Variants in ST7 observed in about 807,000 individuals in gnomAD.
ST7 encodes suppression of tumorigenicity 7.
ST7 carries 28 observed loss-of-function variants against 78.7 expected under a neutral mutation model. The ratio of observed to expected loss-of-function variants is 0.36; its 90% CI spans 0.26 to 0.49. The LOEUF (loss-of-function observed/expected upper bound fraction) is 0.49. Among genes scored for constraint, ST7 ranks in the 20% least tolerant of loss-of-function variants. ST7 has a pLI of 0.99. For missense variants in ST7, 418 were observed against 696.0 expected (o/e 0.60, Z 4.49); for synonymous variants, 247 against 249.6 (o/e 0.99, Z 0.10).
chr7:117,090,755 G>C (rs1047160736), intron 1 of ST7: 2 of 167,070 alleles, frequency 1.2e-5, no homozygotes, highest in African/African-American at 4.8e-5. Flanking sequence ...CCAGGGTGGA[G>C]ATCTTCATTA....
intron 1 of ST7, among the ~76,000 whole-genome samples, chr7:116,985,808 TA>T (rs989800546): frequency 6.6e-6 from 1 of 152,222 alleles, no homozygotes; most frequent in African/African-American, 2.4e-5. Context: ...AGTTTGGAAA[TA>T]AATACTTTGG....
chr7:117,220,185 C>A (rs1210879166), intron 14 of ST7, among the ~76,000 whole-genome samples: 1 of 152,208 alleles, frequency 6.6e-6, no homozygotes, highest in African/African-American at 2.4e-5. Context: ...AGTCATGAAT[C>A]TCCAGCATGG....
chr7:117,051,408 G>A (rs1186165851), intron 1 of ST7, among the ~76,000 whole-genome samples: 1 of 152,220 alleles, frequency 6.6e-6, no homozygotes, highest in Non-Finnish European at 1.5e-5. Flanking sequence ...GCATTACAGA[G>A]AGGGGCTCAG....
At chr7:117,126,709 G>A (rs114872622) in intron 3 of ST7, among the ~76,000 whole-genome samples, 117 of 151,938 alleles carry the variant, frequency 7.7e-4, no homozygotes, top group African/African-American at 2.5e-3. Context: ...GAAGGTTTTA[G>A]TAGGGAATAG....
At position 116,953,643 on chromosome 7, in the gene ST7, G is replaced by T; in HGVS notation, c.103G>T (p.Val35Phe). Residue 35 changes from valine (V) to phenylalanine (F), a missense_variant, in exon 1 of 16, where the codon GTC (valine) becomes TTC (phenylalanine). Around this residue, in one of 4 missense-constraint regions of ST7, gnomAD observed 71 missense variants for 61.5 expected, o/e 1.16. Coordinates refer to ENST00000323984, the MANE Select transcript of ST7 (RefSeq NM_001369598.1). ...GTGGTTCTTCATCGTGCTATTCCTG[G>T]TCTACATCCTGCGGGTGCCTTTGAA... is the stretch of plus-strand genomic sequence containing the variant. Reference protein sequence around the residue: ...TVWFFIVLFLVYILRVPLKIN... With the variant: ...TVWFFIVLFLFYILRVPLKIN... 6.6e-7 allele frequency: 1 copy of T among 1,504,256 alleles called. No individual in the cohort carries two copies. Among genetic ancestry groups the T allele is most frequent in the Non-Finnish European group, 9.0e-7 (1 of 1,113,744 alleles). The allele number at this position is 1,504,256 out of a possible 1,614,324, so 93.2% of individuals were successfully genotyped here. A position where few individuals can be genotyped will look rare whatever the true frequency, so the allele number is the denominator to read the frequency against.
chr7:117,149,110 T>C (rs948507827), intron 9 of ST7, among the ~76,000 whole-genome samples: 5 of 152,188 alleles, frequency 3.3e-5, no homozygotes, highest in Admixed American at 2.6e-4. Context: ...TACTGCTTGT[T>C]AAGAGCAGAT....
At chr7:116,989,126 A>G (rs182556836) in intron 1 of ST7, among the ~76,000 whole-genome samples, 3 of 152,352 alleles carry the variant, frequency 2.0e-5, no homozygotes, top group Admixed American at 2.0e-4. Flanking sequence ...CATATATTCA[A>G]GATATTATCA....
At chr7:117,067,133 C>G (rs945329869) in intron 1 of ST7, among the ~76,000 whole-genome samples, 2 of 151,910 alleles carry the variant, frequency 1.3e-5, no homozygotes, top group East Asian at 3.9e-4. Context: ...TTTATTTATC[C>G]CTTCTTCACT....
chr7:117,205,014 G>C (rs916133361), intron 12 of ST7, among the ~76,000 whole-genome samples: 1 of 152,214 alleles, frequency 6.6e-6, no homozygotes, highest in African/African-American at 2.4e-5. Flanking sequence ...GCTGCAGTGA[G>C]CTATGGTTGC....
Position 116,953,555 on chromosome 7 carries a change from C to T in ST7, c.15C>T (p.Ala5=), listed in dbSNP as rs1267329452. The change falls in exon 1 of 16, where the codon GCC becomes GCT. Residue 5 remains alanine, a synonymous_variant. Transcript: ENST00000323984. ...AGCGCTGAAACATGGCTGAAGCGGC[C>T]ACGGGCTTTCTGGAGCAGCTCAAGT... is the stretch of plus-strand genomic sequence containing the variant. MAEA[A]TGFLEQLKSC... 2.1e-6 allele frequency: 3 copies of T among 1,438,380 alleles called. No homozygotes were observed. Among genetic ancestry groups the T allele is most frequent in the Non-Finnish European group, 2.8e-6 (3 of 1,075,482 alleles). The allele number at this position is 1,438,380 out of a possible 1,614,324, so 89.1% of individuals were successfully genotyped here.
At chr7:117,108,238 CTT>C in intron 2 of ST7, among the ~76,000 whole-genome samples, 1 of 152,010 alleles carries the variant, frequency 6.6e-6, no homozygotes, top group Admixed American at 6.6e-5. Context: ...AGATTTAAGT[CTT>C]TGATTCATCT....
intron 1 of ST7, among the ~76,000 whole-genome samples, chr7:117,091,233 T>TA (rs1800585679): frequency 6.6e-6 from 1 of 152,148 alleles, no homozygotes; most frequent in African/African-American, 2.4e-5. Flanking sequence ...CTCAAGACCT[T>TA]ATCAGACCCC....
chr7:116,964,948 G>A (rs1283185472), intron 1 of ST7, among the ~76,000 whole-genome samples: 2 of 152,116 alleles, frequency 1.3e-5, no homozygotes, highest in Non-Finnish European at 2.9e-5. Context: ...ATTTGAACAA[G>A]CAAATTCTGT....
At chr7:117,163,291 C>T (rs1807294933) in intron 9 of ST7, among the ~76,000 whole-genome samples, 1 of 152,080 alleles carries the variant, frequency 6.6e-6, no homozygotes, top group South Asian at 2.1e-4. Context: ...TGGATAAATG[C>T]CCAGTAGTGG....
intron 1 of ST7, among the ~76,000 whole-genome samples, chr7:117,012,104 A>C (rs1795408808): frequency 6.6e-6 from 1 of 151,870 alleles, no homozygotes; most frequent in African/African-American, 2.4e-5. Flanking sequence ...GGCTAATGCC[A>C]CTCTCATTTT....
At chr7:117,004,885 T>C (rs1445112689) in intron 1 of ST7, among the ~76,000 whole-genome samples, 9 of 152,226 alleles carry the variant, frequency 5.9e-5, no homozygotes, top group South Asian at 2.1e-4. Context: ...TTAATCTGTA[T>C]TTGTATGAAT....
intron 10 of ST7, among the ~76,000 whole-genome samples, chr7:117,174,005 TA>T (rs1808187564): frequency 6.6e-6 from 1 of 152,288 alleles, no homozygotes; most frequent in South Asian, 2.1e-4. Context: ...TTCACCACCT[TA>T]AAAAAAGTTT....
chr7:117,190,685 G>C lies in ST7; in HGVS notation c.1152-149G>C. On this transcript the variant is annotated intron_variant, in intron 11 of 15. Coordinates refer to ENST00000323984, the MANE Select transcript of ST7 (RefSeq NM_001369598.1). This position sits in a 1 kb window ranked among gnomAD's most constrained non-coding sequence, Gnocchi z 5.2. ...GGTTTTTGCTGGCCTCGGTCCGTGG[G>C]GTCACTCAGAGGTTCCATGCAGTAG... The C allele has an allele frequency of 1.6e-6, 1 of 612,566 alleles. No homozygotes were observed. Among genetic ancestry groups the C allele is most frequent in the Non-Finnish European group, 2.9e-6 (1 of 346,976 alleles). 37.9% of individuals were successfully genotyped at this position (612,566 alleles called of 1,614,324 possible).
chr7:117,189,908 A>G (rs1000731974), intron 11 of ST7, among the ~76,000 whole-genome samples: 4 of 152,194 alleles, frequency 2.6e-5, no homozygotes, highest in Admixed American at 6.5e-5. Context: ...ACTATGACAT[A>G]TAGACTTTTC....
Sources: gnomAD v4.1 joint callset for allele counts (sites outside exome capture counted in the v4.1 genomes callset) on GRCh38, gnomAD v4.1.1 for gene constraint, gnomAD v4.1.1 regional missense constraint, Gnocchi (gnomAD v3.1) non-coding constraint, MANE v1.5 for transcripts, NCBI Gene and HGNC (gene_info 2026-07-23, HGNC 2026-07-21) for gene names.